The following SMYD3 variants were observed in gnomAD, a reference collection of about 807,000 sequenced individuals.
SMYD3 encodes SET and MYND domain containing 3.
In SMYD3, 36 loss-of-function variants were observed where a neutral mutation model predicts 57.7. The ratio of observed to expected loss-of-function variants is 0.62; its 90% CI spans 0.48 to 0.82. The LOEUF (loss-of-function observed/expected upper bound fraction) is 0.82, where lower values mean the gene tolerates loss of function less well. Among genes scored for constraint, SMYD3 ranks in the 40% least tolerant of loss-of-function variants. The pLI is 0.00. For missense variants in SMYD3, 515 were observed against 538.8 expected (o/e 0.96, Z 0.44); for synonymous variants, 211 against 195.0 (o/e 1.08, Z -0.68).
chr1:246,182,313 C>T (rs765046443), intron 5 of SMYD3, among the ~76,000 whole-genome samples: 3 of 152,202 alleles, frequency 2.0e-5, no homozygotes, highest in Admixed American at 1.3e-4. Context: ...CTTCACTCCA[C>T]TTAATCTTCC....
rs2045235565 is a variant in SMYD3, at chr1:245,749,394, C to T, written c.*169G>A. The T allele has an allele frequency of 1.9e-6, 1 of 539,462 alleles. No homozygotes were observed. The highest frequency in any genetic ancestry group is 3.0e-5 in the East Asian group (1 of 33,414). 33.4% of individuals were successfully genotyped at this position (539,462 alleles called of 1,614,324 possible). A position where few individuals can be genotyped will look rare whatever the true frequency, so the allele number is the denominator to read the frequency against. On this transcript the variant is annotated 3_prime_UTR_variant, in exon 12 of 12. Coordinates refer to ENST00000490107, the MANE Select transcript of SMYD3 (RefSeq NM_001167740.2). The stretch of plus-strand genomic sequence containing the variant: ...TTATTATAATCGTGCTTCTCTACAA[C>T]TAATGATTCTTGTGGTTTGCAAACC...
chr1:246,299,909 G>A (rs1466111030), intron 5 of SMYD3, among the ~76,000 whole-genome samples: 1 of 91,926 alleles, frequency 1.1e-5, no homozygotes, highest in Non-Finnish European at 2.0e-5. Context: ...TGACTACTAG[G>A]TACTAGGCTT....
intron 2 of SMYD3, among the ~76,000 whole-genome samples, chr1:246,340,561 G>T (rs1191730882): frequency 6.6e-6 from 1 of 152,016 alleles, no homozygotes; most frequent in Non-Finnish European, 1.5e-5. Context: ...AATAAAACTG[G>T]CAGTATTTAG....
intron 1 of SMYD3, among the ~76,000 whole-genome samples, chr1:246,405,782 C>T (rs1255084528): frequency 1.3e-5 from 2 of 151,656 alleles, no homozygotes; most frequent in South Asian, 2.1e-4. Context: ...TGGTGGCGGG[C>T]GCCTGTAGTC....
chr1:245,862,122 C>T (rs777561861), intron 9 of SMYD3, among the ~76,000 whole-genome samples: 1 of 152,160 alleles, frequency 6.6e-6, no homozygotes. Flanking sequence ...TCTTCCATCT[C>T]ATCATAGACA....
intron 5 of SMYD3, among the ~76,000 whole-genome samples, chr1:246,238,958 T>C (rs1363982336): frequency 6.7e-6 from 1 of 149,802 alleles, no homozygotes; most frequent in Non-Finnish European, 1.5e-5. Flanking sequence ...AGAGACGAAC[T>C]GTGCAAGTAG....
chr1:246,319,042 C>T (rs2148647016), intron 5 of SMYD3, among the ~76,000 whole-genome samples: 1 of 152,272 alleles, frequency 6.6e-6, no homozygotes, highest in South Asian at 2.1e-4. Context: ...CCCAAGTGTC[C>T]TACAAACATC....
intron 1 of SMYD3, among the ~76,000 whole-genome samples, chr1:246,489,023 TGAGG>T (rs2068229878): frequency 6.6e-6 from 1 of 152,180 alleles, no homozygotes; most frequent in Non-Finnish European, 1.5e-5. Context: ...CCAGTCATTC[TGAGG>T]GAGGTGAATG....
chr1:245,817,865 T>G lies in SMYD3; in HGVS notation c.1076+40631A>C, dbSNP rs563532260. 5.9e-5 allele frequency among the ~76,000 whole-genome samples: 9 copies of G among 151,988 alleles called. No homozygotes were observed. The East Asian group carries it at 1.2e-3, about 20-fold the overall frequency. On this transcript the variant is annotated intron_variant, in intron 10 of 11. Transcript: ENST00000490107. ...TTAGAGAAAAAAGAATAAAAAGAAA[T>G]GAGCAACGCCTCCAAGAAATATGGG...
chr1:246,206,435 T>A (rs2063000724), intron 5 of SMYD3, among the ~76,000 whole-genome samples: 1 of 152,008 alleles, frequency 6.6e-6, no homozygotes, highest in African/African-American at 2.4e-5. Context: ...ACTCAAAGAA[T>A]CTCACAGAAA....
intron 1 of SMYD3, among the ~76,000 whole-genome samples, chr1:246,468,969 T>A (rs1455496554): frequency 6.6e-6 from 1 of 152,200 alleles, no homozygotes; most frequent in Non-Finnish European, 1.5e-5. Flanking sequence ...AGACTGTGCC[T>A]TCAGTCATTA....
chr1:246,045,920 A>G (rs969307507), intron 5 of SMYD3, among the ~76,000 whole-genome samples: 2 of 152,360 alleles, frequency 1.3e-5, no homozygotes, highest in East Asian at 3.9e-4. Flanking sequence ...CAAAACCACA[A>G]TGAGATACCA....
In SMYD3 at chr1:245,911,694, TAG is replaced by T. The variant is rs2055001841; in HGVS notation, c.813+3834_813+3835del. Among the ~76,000 whole-genome samples the T allele has an allele frequency of 3.9e-5, 6 of 152,134 alleles. No individual in the cohort carries two copies. The South Asian group carries it at 1.2e-3, about 32-fold the overall frequency. ...GGGAACTAAAAAGAAGGTGATTTTA[TAG>T]AGATAGTGAATACAATAGTGGTTTT... On this transcript the variant is annotated intron_variant, in intron 8 of 11. Transcript: ENST00000490107.
At chr1:245,920,282 C>T (rs967651861) in intron 7 of SMYD3, among the ~76,000 whole-genome samples, 9 of 142,974 alleles carry the variant, frequency 6.3e-5, no homozygotes, top group Non-Finnish European at 1.2e-4. Flanking sequence ...CACTGCACTC[C>T]AGCCTGGGCG....
rs2051047701 is a variant in SMYD3 at position 245,852,886 on chromosome 1, GAA to G, written c.1076+5608_1076+5609del. 2.6e-5 allele frequency among the ~76,000 whole-genome samples: 4 copies of G among 152,154 alleles called. No individual in the cohort carries two copies. The South Asian group carries it at 8.3e-4, about 32-fold the overall frequency. Reference sequence around the variant, plus strand: ...AACCTTACAAAATGGACAGCAAACAGAAAGAGGCCCTGATTAGGCATGCCAGA... The same window carrying G: ...AACCTTACAAAATGGACAGCAAACAGAGAGGCCCTGATTAGGCATGCCAGA... On this transcript the variant is annotated intron_variant, in intron 10 of 11. Coordinates refer to ENST00000490107, the MANE Select transcript of SMYD3 (RefSeq NM_001167740.2).
intron 1 of SMYD3, among the ~76,000 whole-genome samples, chr1:246,437,109 G>A (rs2067391462): frequency 6.6e-6 from 1 of 152,180 alleles, no homozygotes; most frequent in African/African-American, 2.4e-5. Flanking sequence ...ACGTTGGTCA[G>A]GCTGGTCTCG....
chr1:245,939,155 T>TA (rs562936271), intron 5 of SMYD3, among the ~76,000 whole-genome samples: 142 of 144,218 alleles, frequency 9.8e-4, no homozygotes, highest in African/African-American at 3.7e-3. Context: ...TAAAAAAAAT[T>TA]AAAAAATAAA....
chr1:246,481,593 C>CAG, intron 1 of SMYD3, among the ~76,000 whole-genome samples: 1 of 27,960 alleles, frequency 3.6e-5, no homozygotes, highest in Admixed American at 5.6e-4. Context: ...TCTCAGGCTC[C>CAG]ATATATATAT....
Position 245,860,903 on chromosome 1 carries a change from G to C in SMYD3, c.902-2233C>G, listed in dbSNP as rs539104755. On this transcript the variant is annotated intron_variant, in intron 9 of 11. Transcript: ENST00000490107. ...AAGACTTGTACCTTATTTTAACATT[G>C]TGCTGTTTGACCTCCACTATTATTT... 2.0e-5 allele frequency among the ~76,000 whole-genome samples: 3 copies of C among 152,248 alleles called. No individual in the cohort carries two copies. The East Asian group carries it at 5.8e-4, about 29-fold the overall frequency.
Sources: gnomAD v4.1 joint callset for allele counts (sites outside exome capture counted in the v4.1 genomes callset) on GRCh38, gnomAD v4.1.1 for gene constraint, MANE v1.5 for transcripts, NCBI Gene and HGNC (gene_info 2026-07-23, HGNC 2026-07-21) for gene names.